The following COLEC10 variants were observed in gnomAD, a reference collection of about 807,000 sequenced individuals.
The protein encoded by COLEC10 is collectin-10.
Under a neutral mutation model 28.4 loss-of-function variants are expected in COLEC10, and 22 were observed. The observed-to-expected ratio is 0.78, with a 90% confidence interval of 0.55 to 1.11. The LOEUF (loss-of-function observed/expected upper bound fraction) is 1.11. Among genes scored for constraint, COLEC10 ranks in the 50% least tolerant of loss-of-function variants. The pLI, the probability that COLEC10 is intolerant of heterozygous loss-of-function variation, is 0.00. For synonymous variants in COLEC10, 125 were observed against 116.1 expected, an observed-to-expected ratio of 1.08 and a Z score of -0.49; for missense variants, 361 against 344.1, an observed-to-expected ratio of 1.05 and a Z score of -0.39.
upstream of COLEC10, among the ~76,000 whole-genome samples, chr8:119,064,604 A>T (rs1814919422): frequency 6.6e-6 from 1 of 152,202 alleles, no homozygotes; most frequent in Admixed American, 6.5e-5. Context: ...GCTATGACAC[A>T]TGTAAAATGT....
chr8:118,984,851 G>A, the COLEC10 span, among the ~76,000 whole-genome samples: 12 of 152,118 alleles, frequency 7.9e-5, no homozygotes, highest in Non-Finnish European at 1.2e-4. Flanking sequence ...TAATCATGGC[G>A]GAAGGCAAGG....
chr8:119,003,129 C>A (rs760511779), intron 1 of COLEC10, among the ~76,000 whole-genome samples: 1 of 151,988 alleles, frequency 6.6e-6, no homozygotes, highest in Non-Finnish European at 1.5e-5. Context: ...CTTTGCATTG[C>A]CAATTTTTAA....
chr8:118,996,690 A>G (rs1813596238), intron 1 of COLEC10, among the ~76,000 whole-genome samples: 1 of 152,170 alleles, frequency 6.6e-6, no homozygotes, highest in Non-Finnish European at 1.5e-5. Context: ...TACCACAGTG[A>G]AATACCTGGA....
upstream of COLEC10, among the ~76,000 whole-genome samples, chr8:119,062,281 A>G (rs1188505801): frequency 1.3e-5 from 2 of 152,104 alleles, no homozygotes; most frequent in South Asian, 2.1e-4. Context: ...AAAAATAAAA[A>G]CCAGAGTATC....
At chr8:119,068,465 G>A (rs1187795948) in intron 1 of COLEC10, 5 of 152,230 alleles carry the variant, frequency 3.3e-5, no homozygotes, top group African/African-American at 9.6e-5. Flanking sequence ...GAGGGCAAAT[G>A]TTCAGAAAGA....
intron 2 of COLEC10, among the ~76,000 whole-genome samples, chr8:119,026,344 G>A (rs1814191634): frequency 2.0e-5 from 3 of 151,908 alleles, no homozygotes; most frequent in Admixed American, 1.3e-4. Context: ...GCTTGAGGCC[G>A]GGAGTTTGAG....
chr8:119,100,125 C>A (rs899712709), intron 3 of COLEC10, among the ~76,000 whole-genome samples: 9 of 152,060 alleles, frequency 5.9e-5, no homozygotes, highest in Non-Finnish European at 1.2e-4. Flanking sequence ...CTATTCTTTG[C>A]AAATTTTGAT....
At chr8:118,972,317 C>T in the COLEC10 span, among the ~76,000 whole-genome samples, 2 of 151,954 alleles carry the variant, frequency 1.3e-5, no homozygotes, top group Non-Finnish European at 2.9e-5. Context: ...TGTTTTACTC[C>T]ATTCTTGGCT....
At chr8:119,011,879 A>G (rs1431605614) in intron 2 of COLEC10, among the ~76,000 whole-genome samples, 1 of 150,928 alleles carries the variant, frequency 6.6e-6, no homozygotes, top group South Asian at 2.1e-4. Flanking sequence ...GAGTTTCTAC[A>G]TTAATGATCA....
At chr8:119,092,677 G>A (rs2130285664) in intron 3 of COLEC10, among the ~76,000 whole-genome samples, 1 of 152,252 alleles carries the variant, frequency 6.6e-6, no homozygotes, top group Non-Finnish European at 1.5e-5. Flanking sequence ...GGGCTGAGAT[G>A]GGTGGATCAC....
Position 119,035,451 on chromosome 8 carries a change from GA to G in COLEC10, n.235+25900del, listed in dbSNP as rs1363637529. 2.0e-5 allele frequency among the ~76,000 whole-genome samples: 3 copies of G among 152,198 alleles called. No homozygotes were observed. In the East Asian group the frequency reaches 5.8e-4, roughly 29 times the overall value. On this transcript the variant is annotated intron_variant and non_coding_transcript_variant, in intron 2 of 6. Transcript: ENST00000521788. ...AGATATCAATCCTATCTGGATACAT[GA>G]AGATGCTAATTTCCAGTGAAAAACC...
chr8:119,103,944 A>G, intron 5 of COLEC10, 49 bp downstream of exon 5: 1 of 1,181,798 alleles, frequency 8.5e-7, no homozygotes, highest in Non-Finnish European at 1.3e-6. Context: ...GATCTCCATC[A>G]ACACTACAAT....
At chr8:119,037,755 T>C (rs974194433) in intron 2 of COLEC10, among the ~76,000 whole-genome samples, 6 of 152,260 alleles carry the variant, frequency 3.9e-5, no homozygotes, top group Non-Finnish European at 7.3e-5. Flanking sequence ...GTGCATCCTA[T>C]GCACTTACTT....
At chr8:118,995,844 TA>T (rs1813579693) in intron 1 of COLEC10, among the ~76,000 whole-genome samples, 1 of 148,634 alleles carries the variant, frequency 6.7e-6, no homozygotes, top group Non-Finnish European at 1.5e-5. Context: ...CAAACTTGGA[TA>T]TAGGTAGCTC....
At chr8:119,009,554 G>A (rs1410010595) in intron 2 of COLEC10, 6 of 150,888 alleles carry the variant, frequency 4.0e-5, no homozygotes, top group Non-Finnish European at 5.9e-5. Context: ...CTCCAGAGCT[G>A]TAAGAAATAA....
At chr8:119,069,321 G>T (rs952253135) in intron 1 of COLEC10, among the ~76,000 whole-genome samples, 2 of 151,918 alleles carry the variant, frequency 1.3e-5, no homozygotes, top group Non-Finnish European at 2.9e-5. Flanking sequence ...TGAACAGTGG[G>T]CCAGGTGTGT....
At chr8:119,094,453 A>AT (rs1815670990) in intron 3 of COLEC10, among the ~76,000 whole-genome samples, 1 of 152,232 alleles carries the variant, frequency 6.6e-6, no homozygotes. Context: ...TCTTACATTA[A>AT]TCCTTCTGCT....
the COLEC10 span, among the ~76,000 whole-genome samples, chr8:118,973,423 T>C: frequency 1.3e-5 from 2 of 151,892 alleles, no homozygotes; most frequent in Non-Finnish European, 2.9e-5. Flanking sequence ...AAGATTCACT[T>C]CCTCAAAGGC....
intron 3 of COLEC10, among the ~76,000 whole-genome samples, chr8:119,091,595 G>GAGAGAGAGAGAGAAAGAAAGAAAGAA (rs1250359009): frequency 2.9e-5 from 4 of 138,570 alleles, no homozygotes; most frequent in African/African-American, 1.1e-4. Context: ...GAGAGAGAGA[G>GAGAGAGAGAGAGAAAGAAAGAAAGAA]AGAAAGAAAG....
Sources: gnomAD v4.1 joint callset for allele counts (sites outside exome capture counted in the v4.1 genomes callset) on GRCh38, gnomAD v4.1.1 for gene constraint, MANE v1.5 for transcripts, NCBI Gene and HGNC (gene_info 2026-07-23, HGNC 2026-07-21) for gene names.